The following RAD54L2 variants were observed in gnomAD, a reference collection of about 807,000 sequenced individuals.
RAD54L2 encodes the protein helicase ARIP4.
Under a neutral mutation model 138.4 loss-of-function variants are expected in RAD54L2, and 27 were observed. The ratio of observed to expected loss-of-function variants is 0.20; its 90% CI spans 0.14 to 0.27. RAD54L2 has a LOEUF of 0.27. Ranked by LOEUF, RAD54L2 falls within the 10% of genes least tolerant of loss-of-function variation. RAD54L2 has a pLI of 1.00. For synonymous variants in RAD54L2, 644 were observed against 723.2 expected, an observed-to-expected ratio of 0.89 and a Z score of 1.76; for missense variants, 1,396 against 1,890.2, an observed-to-expected ratio of 0.74 and a Z score of 4.85.
At chr3:51,609,326 G>A (rs1283529838) in intron 3 of RAD54L2, among the ~76,000 whole-genome samples, 1 of 152,200 alleles carries the variant, frequency 6.6e-6, no homozygotes, top group Non-Finnish European at 1.5e-5. Flanking sequence ...TTTTGCCAAG[G>A]CATGGCTTAA....
chr3:51,591,430 T>G (rs184644214), intron 3 of RAD54L2, among the ~76,000 whole-genome samples: 2 of 152,322 alleles, frequency 1.3e-5, no homozygotes, highest in African/African-American at 4.8e-5. Flanking sequence ...GAAAATGTAC[T>G]CCTGCCGTTC....
intron 21 of RAD54L2, 58 bp from the exon 22 acceptor site, chr3:51,659,968 C>T: frequency 1.5e-6 from 2 of 1,355,876 alleles, no homozygotes; most frequent in East Asian, 2.5e-5. Context: ...CTGGAGTTTC[C>T]CAGGGTTGGC....
In RAD54L2 at chr3:51,639,567, C is replaced by T. The variant is rs750106356; in HGVS notation, c.2009C>T (p.Thr670Ile). The T allele has an allele frequency of 9.9e-6, 16 of 1,613,980 alleles. No individual in the cohort carries two copies. In the East Asian group the frequency reaches 1.6e-4, roughly 16 times the overall value. ...QGTKGKGEDS[T>I]LASSMGEATN... ...ACAAAAGGCAAGGGAGAGGATAGCA[C>T]CTTGGCTTCCTCGATGGGAGAGGCA... Residue 670 changes from threonine (T) to isoleucine (I), a missense_variant, in exon 13 of 23, where the codon ACC (threonine) becomes ATC (isoleucine). Coordinates refer to ENST00000684192, the MANE Select transcript of RAD54L2 (RefSeq NM_015106.4).
intron 14 of RAD54L2, among the ~76,000 whole-genome samples, chr3:51,641,203 A>C (rs1468828204): frequency 6.6e-6 from 1 of 152,024 alleles, no homozygotes. Flanking sequence ...ATGGGGTTTC[A>C]TCATGTTGGC....
intron 13 of RAD54L2, 92 bp downstream of exon 13, chr3:51,639,762 A>C: frequency 3.2e-6 from 5 of 1,541,282 alleles, no homozygotes; most frequent in Non-Finnish European, 4.4e-6. Flanking sequence ...ATGCATGGCT[A>C]GGGTCTCTGT....
rs528467188 is a variant in RAD54L2 at position 51,629,576 on chromosome 3, C to A, written c.481+103C>A. 4.0e-5 allele frequency: 56 copies of A among 1,406,816 alleles called. No homozygotes were observed. The East Asian group carries it at 1.2e-3, about 30-fold the overall frequency. 87.1% of individuals were successfully genotyped at this position (1,406,816 alleles called of 1,614,324 possible). ...GATCTGGAATAAGACTGTGGCCTCT[C>A]GGCTGGGCGCGGTGGCTCACGCCTG... On this transcript the variant is annotated intron_variant, in intron 5 of 22. Coordinates refer to ENST00000684192, the MANE Select transcript of RAD54L2 (RefSeq NM_015106.4).
At chr3:51,657,287 C>T (rs1235505794) in intron 20 of RAD54L2, among the ~76,000 whole-genome samples, 1 of 152,120 alleles carries the variant, frequency 6.6e-6, no homozygotes, top group Admixed American at 6.5e-5. Flanking sequence ...ACCATCTAAA[C>T]TAAAACATTT....
chr3:51,598,446 A>T (rs928390199), intron 3 of RAD54L2, among the ~76,000 whole-genome samples: 5 of 152,028 alleles, frequency 3.3e-5, no homozygotes, highest in African/African-American at 1.2e-4. Flanking sequence ...TTCCATAAAA[A>T]TCCTAGAGGG....
chr3:51,570,092 C>A (rs1464724514), intron 2 of RAD54L2, among the ~76,000 whole-genome samples: 1 of 151,016 alleles, frequency 6.6e-6, no homozygotes, highest in Non-Finnish European at 1.5e-5. Flanking sequence ...CTTGGCCTCC[C>A]AAAGTGTTGG....
intron 2 of RAD54L2, among the ~76,000 whole-genome samples, chr3:51,589,024 TC>T (rs1699777605): frequency 2.0e-5 from 3 of 152,088 alleles, no homozygotes; most frequent in Admixed American, 2.0e-4. Flanking sequence ...CCCTAAGTAT[TC>T]CCTGCATGCT....
intron 3 of RAD54L2, among the ~76,000 whole-genome samples, chr3:51,593,234 G>A (rs1246020625): frequency 1.3e-5 from 2 of 151,936 alleles, no homozygotes; most frequent in Non-Finnish European, 1.5e-5. Context: ...GCATAGGAGA[G>A]CCCCTAGCTC....
Position 51,572,641 on chromosome 3 carries a change from C to CT in RAD54L2, c.-54-17711dup, listed in dbSNP as rs113783205. Among the ~76,000 whole-genome samples the CT allele has an allele frequency of 4.8e-3, 650 of 136,530 alleles. 6 individuals carry two copies. Among genetic ancestry groups the CT allele is most frequent in the East Asian group, 0.025 (114 of 4,590 alleles). The allele number at this position is 136,530 out of a possible 152,430, so 89.6% of individuals were successfully genotyped here. ...AAAAAAAGTAAAAGGTGCTATAAAT[C>CT]TTTTTTTTTTTTTTTGAGATGGATT... On this transcript the variant is annotated intron_variant, in intron 2 of 22. Transcript: ENST00000684192.
intron 2 of RAD54L2, among the ~76,000 whole-genome samples, chr3:51,581,925 T>G (rs1699615370): frequency 6.6e-6 from 1 of 151,580 alleles, no homozygotes; most frequent in East Asian, 1.9e-4. Context: ...CTCCCTTCTC[T>G]TTTCTTTTTT....
chr3:51,659,960 G>A, intron 21 of RAD54L2, 66 bp from the exon 22 acceptor site: 1 of 1,257,462 alleles, frequency 8.0e-7, no homozygotes, highest in South Asian at 1.4e-5. Context: ...CGCACAGCCT[G>A]GAGTTTCCCA....
intron 1 of RAD54L2, chr3:51,541,201 G>A (rs1219219992): frequency 1.3e-5 from 2 of 152,130 alleles, no homozygotes; most frequent in East Asian, 1.9e-4. Flanking sequence ...TGGTTTAGAG[G>A]TGGTTATAGG....
chr3:51,568,562 A>G (rs1176513620), intron 2 of RAD54L2, among the ~76,000 whole-genome samples: 1 of 152,136 alleles, frequency 6.6e-6, no homozygotes, highest in Admixed American at 6.5e-5. Flanking sequence ...GTCTGAGACA[A>G]TGAATGTTGC....
chr3:51,629,579 C>G (rs1163846943), intron 5 of RAD54L2, 106 bp downstream of exon 5: 8 of 1,409,676 alleles, frequency 5.7e-6, no homozygotes, highest in Non-Finnish European at 7.6e-6. Context: ...GGCCTCTCGG[C>G]TGGGCGCGGT....
At position 51,641,821 on chromosome 3, in the gene RAD54L2, C is replaced by T. The variant is rs144461731; in HGVS notation, c.2304C>T (p.Thr768=). 3.7e-4 allele frequency: 584 copies of T among 1,598,572 alleles called. No homozygotes were observed. The highest frequency in any genetic ancestry group is 4.4e-4 in the South Asian group (39 of 88,072). The change falls in exon 15 of 23, where the codon ACC becomes ACT. Residue 768 remains threonine, a synonymous_variant. Coordinates refer to ENST00000684192, the MANE Select transcript of RAD54L2 (RefSeq NM_015106.4). Reference sequence around the variant, plus strand: ...GAGAAGTACCCTGTCCACCTGGTACCGAGGGGCAAGGAGCACAGAAGTGGG... The same window carrying T: ...GAGAAGTACCCTGTCCACCTGGTACTGAGGGGCAAGGAGCACAGAAGTGGG... ...GKREVPCPPG[T]EGQGAQKWVR... is the part of the protein sequence containing the mutation.
chr3:51,662,371 C>T lies in RAD54L2; in HGVS notation c.3410-55C>T. Reference sequence around the variant, plus strand: ...TTTTTTAATGGAGTTTTCTCCTCTACCCTTCTTCTCTCCCTGGCCACTCTG... The same window carrying T: ...TTTTTTAATGGAGTTTTCTCCTCTATCCTTCTTCTCTCCCTGGCCACTCTG... On this transcript the variant is annotated intron_variant, in intron 22 of 22. Transcript: ENST00000684192. The surrounding 1 kb of genome is among the most constrained non-coding windows in gnomAD (Gnocchi z 4.6). The T allele has an allele frequency of 7.0e-6, 10 of 1,427,648 alleles. No individual in the cohort carries two copies. The highest frequency in any genetic ancestry group is 9.3e-6 in the Non-Finnish European group (10 of 1,069,830). The allele number at this position is 1,427,648 out of a possible 1,614,324, so 88.4% of individuals were successfully genotyped here. A position where few individuals can be genotyped will look rare whatever the true frequency, so the allele number is the denominator to read the frequency against.
Sources: allele counts gnomAD v4.1 joint callset (sites outside exome capture counted in the v4.1 genomes callset), GRCh38; gene constraint gnomAD v4.1.1; non-coding constraint Gnocchi (gnomAD v3.1); transcripts MANE v1.5; gene names NCBI Gene and HGNC (gene_info 2026-07-23, HGNC 2026-07-21).